Variants in RYR3 observed in about 807,000 individuals in gnomAD.
The protein encoded by RYR3 is ryanodine receptor 3, also known as brain ryanodine receptor-calcium release channel.
In RYR3, 207 loss-of-function variants were observed where a neutral mutation model predicts 584.3. That is an observed-to-expected ratio of 0.35 (90% CI 0.32 to 0.40). RYR3 has a LOEUF of 0.40. Ranked by LOEUF, RYR3 falls within the 10% of genes least tolerant of loss-of-function variation. The pLI is 1.00. For missense variants in RYR3, 5,616 were observed against 6,089.2 expected, an observed-to-expected ratio of 0.92 and a Z score of 2.59; for synonymous variants, 2,416 against 2,248.5, an observed-to-expected ratio of 1.07 and a Z score of -2.11.
intron 81 of RYR3, 115 bp downstream of exon 81, chr15:33,823,187 G>C: frequency 1.3e-6 from 1 of 766,532 alleles, no homozygotes; most frequent in Non-Finnish European, 2.1e-6. Context: ...GAGAGAGGAA[G>C]CACCTACTTA....
chr15:33,843,911 G>T (rs916072545), intron 92 of RYR3, among the ~76,000 whole-genome samples: 1 of 152,106 alleles, frequency 6.6e-6, no homozygotes, highest in Admixed American at 6.5e-5. Context: ...CTTTCTTCAA[G>T]GAATAAGGTA....
At chr15:33,637,936 A>G (rs751325007) in intron 27 of RYR3, among the ~76,000 whole-genome samples, 3 of 151,972 alleles carry the variant, frequency 2.0e-5, no homozygotes, top group Admixed American at 6.6e-5. Flanking sequence ...ATATCTCCTA[A>G]TGCTATCCCT....
chr15:33,564,641 G>A (rs569951402), intron 11 of RYR3, among the ~76,000 whole-genome samples: 12 of 152,294 alleles, frequency 7.9e-5, no homozygotes, highest in African/African-American at 2.6e-4. Flanking sequence ...TTTAAAGAAA[G>A]TGGAATTTGT....
intron 8 of RYR3, among the ~76,000 whole-genome samples, chr15:33,547,024 A>G (rs2056296923): frequency 1.3e-5 from 2 of 152,196 alleles, no homozygotes; most frequent in Admixed American, 1.3e-4. Flanking sequence ...TGGATTCAGT[A>G]TACCAGGTAA....
At chr15:33,533,266 C>T (rs1373954949) in intron 4 of RYR3, 45 bp from the exon 5 acceptor site, 1 of 1,344,382 alleles carries the variant, frequency 7.4e-7, no homozygotes, top group Admixed American at 1.9e-5. Context: ...TACCAAGACT[C>T]AATGGAAGAG....
intron 71 of RYR3, 126 bp downstream of exon 71, chr15:33,810,775 A>G: frequency 1.6e-6 from 2 of 1,240,102 alleles, no homozygotes; most frequent in Non-Finnish European, 2.3e-6. Context: ...ACCAGTGTGT[A>G]TGGAGGCAAC....
chr15:33,821,377 C>A lies in RYR3; in HGVS notation c.10915+8C>A. On this transcript the variant is annotated splice_region_variant and intron_variant, in intron 79 of 103. Transcript: ENST00000634891. Reference sequence around the variant, plus strand: ...TGATAAGCGCTAGCAAAGGTGATTTCCCTAGTTTCTGGATGGGCTTATGTA... The same window carrying A: ...TGATAAGCGCTAGCAAAGGTGATTTACCTAGTTTCTGGATGGGCTTATGTA... 6.3e-7 allele frequency: 1 copy of A among 1,597,938 alleles called. No individual in the cohort carries two copies. Among genetic ancestry groups the A allele is most frequent in the Non-Finnish European group, 8.5e-7 (1 of 1,171,874 alleles).
intron 43 of RYR3, among the ~76,000 whole-genome samples, chr15:33,720,862 A>G (rs375907610): frequency 2.1e-5 from 3 of 145,138 alleles, no homozygotes; most frequent in East Asian, 2.3e-4. Flanking sequence ...TGACAGAGCC[A>G]GACCCTGTCT....
At chr15:33,471,389 T>C (rs2048913232) in intron 1 of RYR3, among the ~76,000 whole-genome samples, 1 of 152,270 alleles carries the variant, frequency 6.6e-6, no homozygotes, top group East Asian at 1.9e-4. Flanking sequence ...GGTTATTGTA[T>C]CAGTTTCTTG....
intron 1 of RYR3, among the ~76,000 whole-genome samples, chr15:33,353,823 A>G (rs540884378): frequency 5.9e-5 from 9 of 152,180 alleles, no homozygotes; most frequent in Non-Finnish European, 1.3e-4. Flanking sequence ...AAGGCATCCT[A>G]TATAAGAATA....
At position 33,739,875 on chromosome 15, in the gene RYR3, G is replaced by T. The variant is rs558760350; in HGVS notation, c.7700G>T (p.Ser2567Ile). 3.1e-6 allele frequency: 5 copies of T among 1,613,770 alleles called. No homozygotes were observed. Among genetic ancestry groups the T allele is most frequent in the Non-Finnish European group, 4.2e-6 (5 of 1,179,832 alleles). Residue 2567 changes from serine (S) to isoleucine (I), a missense_variant, in exon 51 of 104, where the codon AGT becomes ATT. Ser to Ile is a moderately radical substitution (Grantham distance 142, BLOSUM62 -2). Transcript: ENST00000634891. ...TTCCGAATGGCCCTGCCTTGTCTCA[G>T]TGCTATAGCTGGGGCCTTGCCACCA... Reference protein sequence around the residue: ...DLFRMALPCLSAIAGALPPDY... With the variant: ...DLFRMALPCLIAIAGALPPDY...
chr15:33,758,553 C>T (rs1339849039), intron 60 of RYR3, among the ~76,000 whole-genome samples: 2 of 152,192 alleles, frequency 1.3e-5, no homozygotes, highest in Non-Finnish European at 2.9e-5. Context: ...GTGGAACGCA[C>T]CACAGCACGG....
At chr15:33,425,502 A>G (rs2044543034) in intron 1 of RYR3, among the ~76,000 whole-genome samples, 1 of 152,196 alleles carries the variant, frequency 6.6e-6, no homozygotes, top group African/African-American at 2.4e-5. Flanking sequence ...TTTGCAAAGG[A>G]TTCAAGAGGG....
chr15:33,446,949 T>C (rs1596179109), intron 1 of RYR3, among the ~76,000 whole-genome samples: 1 of 152,336 alleles, frequency 6.6e-6, no homozygotes, highest in East Asian at 1.9e-4. Context: ...TTTTTCCTGC[T>C]CTTTCCCCAA....
chr15:33,624,329 T>A (rs2060874752), intron 20 of RYR3, among the ~76,000 whole-genome samples: 1 of 152,170 alleles, frequency 6.6e-6, no homozygotes, highest in Non-Finnish European at 1.5e-5. Flanking sequence ...ATTATTTTTT[T>A]AAAAGGCCAA....
At chr15:33,659,920 C>G (rs1284274948) in intron 33 of RYR3, 114 bp downstream of exon 33, 1 of 733,486 alleles carries the variant, frequency 1.4e-6, no homozygotes, top group East Asian at 2.7e-5. Context: ...TCCCATAAGC[C>G]CCCCACCCCC....
At chr15:33,317,059 C>G (rs1968279564) in intron 1 of RYR3, among the ~76,000 whole-genome samples, 1 of 152,248 alleles carries the variant, frequency 6.6e-6, no homozygotes, top group African/African-American at 2.4e-5. Flanking sequence ...AGCCACCAAA[C>G]AGAACATTCA....
chr15:33,485,266 A>G (rs1430437612), intron 2 of RYR3, among the ~76,000 whole-genome samples: 2 of 152,194 alleles, frequency 1.3e-5, no homozygotes, highest in Non-Finnish European at 2.9e-5. Flanking sequence ...ACAGAAGCCA[A>G]TTTAGAGAAC....
At chr15:33,724,234 G>T in intron 45 of RYR3, 58 bp downstream of exon 45, 4 of 932,388 alleles carry the variant, frequency 4.3e-6, no homozygotes, top group Non-Finnish European at 6.7e-6. Flanking sequence ...GAACACTATA[G>T]ATTTCCTGAA....
Sources: gnomAD v4.1 joint callset for allele counts (sites outside exome capture counted in the v4.1 genomes callset) on GRCh38, gnomAD v4.1.1 for gene constraint, MANE v1.5 for transcripts, NCBI Gene and HGNC (gene_info 2026-07-23, HGNC 2026-07-21) for gene names.